Variants in ASAP1 observed in about 807,000 individuals in gnomAD.
ASAP1 encodes the protein ArfGAP with SH3 domain, ankyrin repeat and PH domain 1.
In ASAP1, 43 loss-of-function variants were observed where a neutral mutation model predicts 145.2. That is an observed-to-expected ratio of 0.30 (90% confidence interval 0.23 to 0.38). The LOEUF (loss-of-function observed/expected upper bound fraction) is 0.38, where lower values mean the gene tolerates loss of function less well. Among genes scored for constraint, ASAP1 ranks in the 10% least tolerant of loss-of-function variants. The pLI is 1.00. For missense variants in ASAP1, 1,018 were observed against 1,355.3 expected (o/e 0.75, Z 3.91); for synonymous variants, 546 against 515.5 (o/e 1.06, Z -0.80).
intron 1 of ASAP1, among the ~76,000 whole-genome samples, chr8:130,403,555 T>TTTTC (rs372806853): frequency 0.054 from 3,518 of 65,714 alleles, 43 homozygotes; most frequent in African/African-American, 0.14. Flanking sequence ...TTTCTTTTTC[T>TTTTC]TTTTTTTTTT....
chr8:130,336,178 T>C (rs1191713555), intron 3 of ASAP1, among the ~76,000 whole-genome samples: 6 of 152,230 alleles, frequency 3.9e-5, no homozygotes, highest in Non-Finnish European at 8.8e-5. Context: ...GCTGAATAAA[T>C]TCAGTGATCA....
At chr8:130,286,794 G>C (rs533932505) in intron 3 of ASAP1, among the ~76,000 whole-genome samples, 1 of 152,308 alleles carries the variant, frequency 6.6e-6, no homozygotes, top group African/African-American at 2.4e-5. Flanking sequence ...ATGCACAAAT[G>C]AGCAAACAAC....
intron 18 of ASAP1, among the ~76,000 whole-genome samples, chr8:130,123,174 G>A (rs2097569288): frequency 6.6e-6 from 1 of 152,132 alleles, no homozygotes; most frequent in Admixed American, 6.5e-5. Flanking sequence ...TTGCATTACA[G>A]AATAGGAATA....
intron 24 of ASAP1, among the ~76,000 whole-genome samples, chr8:130,101,120 T>C (rs1300448239): frequency 6.6e-6 from 1 of 152,246 alleles, no homozygotes; most frequent in African/African-American, 2.4e-5. Flanking sequence ...GGGTTCTATG[T>C]TCTGTTCCAC....
In ASAP1 at chr8:130,126,094, G is replaced by T; in HGVS notation, c.1382-5C>A. The T allele has an allele frequency of 6.2e-7, 1 of 1,602,164 alleles. No individual in the cohort carries two copies. Among genetic ancestry groups the T allele is most frequent in the Non-Finnish European group, 8.5e-7 (1 of 1,176,356 alleles). On this transcript the variant is annotated splice_polypyrimidine_tract_variant and splice_region_variant and intron_variant, in intron 16 of 29. Transcript: ENST00000518721. ...TGGTTGAAAGCCAGGTGGGTTCTGT[G>T]GAAAGAATGTTGAAGACAATGAAAC...
intron 7 of ASAP1, among the ~76,000 whole-genome samples, chr8:130,183,653 A>C (rs1814521656): frequency 1.3e-5 from 2 of 152,152 alleles, no homozygotes; most frequent in South Asian, 2.1e-4. Context: ...TTATTATAAA[A>C]TCAGTATTTT....
At chr8:130,170,190 AT>A (rs1199281110) in intron 9 of ASAP1, among the ~76,000 whole-genome samples, 6 of 82,288 alleles carry the variant, frequency 7.3e-5, no homozygotes, top group Non-Finnish European at 1.3e-4. Flanking sequence ...TTTAAGGAAT[AT>A]CTTTTTTTTT....
intron 8 of ASAP1, among the ~76,000 whole-genome samples, chr8:130,179,904 T>C (rs1455926124): frequency 6.6e-6 from 1 of 151,986 alleles, no homozygotes; most frequent in East Asian, 1.9e-4. Context: ...ACTTGTTTTA[T>C]TCTGTAAAAA....
intron 3 of ASAP1, among the ~76,000 whole-genome samples, chr8:130,279,370 T>C (rs1821119094): frequency 6.6e-6 from 1 of 152,146 alleles, no homozygotes; most frequent in African/African-American, 2.4e-5. Flanking sequence ...CATGGAGTCT[T>C]GAATATGGCA....
Position 130,080,476 on chromosome 8 carries a change from CTCTTT to C in ASAP1, c.2573-510_2573-506del, listed in dbSNP as rs1262191697. Among the ~76,000 whole-genome samples, 16 of 138,678 alleles carry C rather than the reference CTCTTT, an allele frequency of 1.2e-4. 1 individual carries two copies. Among genetic ancestry groups the C allele is most frequent in the Non-Finnish European group, 1.1e-4 (7 of 62,770 alleles). 91.0% of individuals were successfully genotyped at this position (138,678 alleles called of 152,430 possible). A position where few individuals can be genotyped will look rare whatever the true frequency, so the allele number is the denominator to read the frequency against. On this transcript the variant is annotated intron_variant, in intron 25 of 29. Transcript: ENST00000518721. ...CTTACTGACTCGTCATTCATTCTCT[CTCTTT>C]TTTTTTTTTTTTTTGAGACAGTCTC... is the stretch of plus-strand genomic sequence containing the variant.
At chr8:130,204,299 G>A (rs1054160833) in intron 5 of ASAP1, among the ~76,000 whole-genome samples, 1 of 152,196 alleles carries the variant, frequency 6.6e-6, no homozygotes, top group African/African-American at 2.4e-5. Context: ...CCTCTTGTAT[G>A]TGGAAAAACT....
At chr8:130,232,618 T>C (rs1281569048) in intron 4 of ASAP1, among the ~76,000 whole-genome samples, 1 of 151,680 alleles carries the variant, frequency 6.6e-6, no homozygotes, top group Non-Finnish European at 1.5e-5. Flanking sequence ...TGGAGACAAT[T>C]TGTTTAAAAA....
At chr8:130,373,385 G>A (rs575586808) in intron 2 of ASAP1, among the ~76,000 whole-genome samples, 1 of 152,272 alleles carries the variant, frequency 6.6e-6, no homozygotes, top group South Asian at 2.1e-4. Context: ...CAGCAGTTAT[G>A]CTGGGAATAG....
intron 18 of ASAP1, among the ~76,000 whole-genome samples, chr8:130,120,443 T>C (rs1043126990): frequency 1.3e-5 from 2 of 152,216 alleles, no homozygotes; most frequent in African/African-American, 4.8e-5. Context: ...TTAGTAATCA[T>C]AGCTGCCTTC....
Position 130,400,184 on chromosome 8 carries a change from C to T in ASAP1, c.59+1701G>A, listed in dbSNP as rs192292841. Among the ~76,000 whole-genome samples the T allele has an allele frequency of 1.2e-3, 190 of 152,324 alleles. 1 individual carries two copies. Among genetic ancestry groups the T allele is most frequent in the African/African-American group, 4.1e-3 (172 of 41,584 alleles). ...TGCCAGGGCCAGGATTCAACCACCC[C>T]TTCTAGCACCCACACACTTTCCACT... On this transcript the variant is annotated intron_variant, in intron 2 of 29. Transcript: ENST00000518721.
intron 24 of ASAP1, among the ~76,000 whole-genome samples, chr8:130,109,733 A>G (rs1282736060): frequency 3.3e-5 from 5 of 152,232 alleles, no homozygotes; most frequent in Non-Finnish European, 5.9e-5. Flanking sequence ...ATGTCTTCTA[A>G]GAGCTCCATT....
rs1273162900 is a variant in ASAP1, at chr8:130,098,783, T to C, written c.2402-6640A>G. ...CTCAAAGATTTATCATTTCTTTGTG[T>C]TGTGAACATTCAAAATCCTTGCTTG... is the stretch of plus-strand genomic sequence containing the variant. On this transcript the variant is annotated intron_variant, in intron 24 of 29. Transcript: ENST00000518721. Among the ~76,000 whole-genome samples, 4 of 152,332 alleles carry C rather than the reference T, an allele frequency of 2.6e-5. No individual in the cohort carries two copies. The East Asian group carries it at 7.7e-4, about 29-fold the overall frequency.
intron 24 of ASAP1, among the ~76,000 whole-genome samples, chr8:130,097,729 T>C (rs897558413): frequency 3.4e-5 from 5 of 147,236 alleles, no homozygotes; most frequent in African/African-American, 5.1e-5. Flanking sequence ...CCCAACAATT[T>C]AGTCTCTCAA....
intron 1 of ASAP1, among the ~76,000 whole-genome samples, chr8:130,436,426 G>A (rs1449046689): frequency 6.6e-6 from 1 of 152,158 alleles, no homozygotes; most frequent in Non-Finnish European, 1.5e-5. Context: ...CTCCCGAGTA[G>A]CTGGGACTAC....
Sources: allele counts gnomAD v4.1 joint callset (sites outside exome capture counted in the v4.1 genomes callset), GRCh38; gene constraint gnomAD v4.1.1; transcripts MANE v1.5; gene names NCBI Gene and HGNC (gene_info 2026-07-23, HGNC 2026-07-21).